Variants in FILIP1 observed in about 807,000 individuals in gnomAD.
The protein encoded by FILIP1 is filamin-A-interacting protein 1.
A neutral mutation model predicts 102.1 loss-of-function variants in FILIP1; 61 were observed. That is an observed-to-expected ratio of 0.60 (90% confidence interval 0.49 to 0.74). FILIP1 has a LOEUF of 0.74. Among genes scored for constraint, FILIP1 ranks in the 30% least tolerant of loss-of-function variants. The probability of loss-of-function intolerance (pLI) is 0.00; values close to 1 mark genes in which losing one functional copy is unlikely to be tolerated. For missense variants in FILIP1, 1,314 were observed against 1,441.2 expected (o/e 0.91, Z 1.43); for synonymous variants, 491 against 526.9 (o/e 0.93, Z 0.93).
chr6:75,321,970 C>A (rs1001511794), intron 4 of FILIP1, among the ~76,000 whole-genome samples: 1 of 152,036 alleles, frequency 6.6e-6, no homozygotes, highest in Non-Finnish European at 1.5e-5. Context: ...GAAACAGATA[C>A]AGAGAAAGAG....
chr6:75,399,776 G>A (rs926041481), intron 2 of FILIP1, among the ~76,000 whole-genome samples: 1 of 152,080 alleles, frequency 6.6e-6, no homozygotes, highest in African/African-American at 2.4e-5. Flanking sequence ...GCACAAGAAG[G>A]TCACATGGGC....
At chr6:75,338,494 C>T (rs909362051) in intron 4 of FILIP1, among the ~76,000 whole-genome samples, 4 of 152,172 alleles carry the variant, frequency 2.6e-5, no homozygotes, top group East Asian at 3.8e-4. Flanking sequence ...AAGTTTCAGC[C>T]TCCTCTCTGG....
intron 1 of FILIP1, among the ~76,000 whole-genome samples, chr6:75,459,587 C>A (rs1465088453): frequency 2.0e-5 from 3 of 152,176 alleles, no homozygotes; most frequent in Non-Finnish European, 4.4e-5. Context: ...CTTTACCAGG[C>A]CTGGTACAAC....
At chr6:75,473,097 C>T (rs138485582) in intron 1 of FILIP1, among the ~76,000 whole-genome samples, 8 of 152,042 alleles carry the variant, frequency 5.3e-5, no homozygotes, top group African/African-American at 1.9e-4. Context: ...CATATGAAAC[C>T]AGGTCTGGCT....
At chr6:75,456,233 A>G (rs1232418429) in intron 1 of FILIP1, among the ~76,000 whole-genome samples, 2 of 152,216 alleles carry the variant, frequency 1.3e-5, no homozygotes, top group Non-Finnish European at 2.9e-5. Context: ...TAAAAGCCAG[A>G]GATTCCACTA....
At chr6:75,361,333 G>A (rs1197286602) in intron 3 of FILIP1, among the ~76,000 whole-genome samples, 1 of 152,166 alleles carries the variant, frequency 6.6e-6, no homozygotes, top group Non-Finnish European at 1.5e-5. Flanking sequence ...AAGCGTGTAT[G>A]CTCTGCAGAC....
At chr6:75,378,471 T>G (rs1198591663) in intron 2 of FILIP1, among the ~76,000 whole-genome samples, 1 of 152,194 alleles carries the variant, frequency 6.6e-6, no homozygotes, top group Non-Finnish European at 1.5e-5. Context: ...TCTCTGTGCA[T>G]GTCTGGGAAT....
intron 2 of FILIP1, among the ~76,000 whole-genome samples, chr6:75,373,801 G>T (rs1444462795): frequency 6.6e-6 from 1 of 152,140 alleles, no homozygotes; most frequent in African/African-American, 2.4e-5. Context: ...TTGAGCCCAG[G>T]AGTTCAAGAC....
At chr6:75,477,217 T>C (rs1779500061) in intron 1 of FILIP1, among the ~76,000 whole-genome samples, 1 of 152,156 alleles carries the variant, frequency 6.6e-6, no homozygotes, top group Non-Finnish European at 1.5e-5. Context: ...ATGTGGAATC[T>C]AATAAAGTTT....
intron 2 of FILIP1, among the ~76,000 whole-genome samples, chr6:75,377,726 T>A (rs1775791425): frequency 6.6e-6 from 1 of 152,230 alleles, no homozygotes; most frequent in African/African-American, 2.4e-5. Flanking sequence ...ATCCTACTTA[T>A]CCATCAACAA....
intron 2 of FILIP1, among the ~76,000 whole-genome samples, chr6:75,382,393 C>T (rs1775932872): frequency 1.3e-5 from 2 of 152,166 alleles, no homozygotes; most frequent in Non-Finnish European, 2.9e-5. Flanking sequence ...CAGCTTTGTT[C>T]TGCTTTATTG....
chr6:75,420,879 G>A (rs1182119190), intron 1 of FILIP1, among the ~76,000 whole-genome samples: 1 of 152,008 alleles, frequency 6.6e-6, no homozygotes, highest in Non-Finnish European at 1.5e-5. Context: ...TCAAATCATT[G>A]AAATACCAAT....
At chr6:75,375,314 T>G (rs926167170) in intron 2 of FILIP1, among the ~76,000 whole-genome samples, 11 of 152,206 alleles carry the variant, frequency 7.2e-5, no homozygotes, top group Admixed American at 5.9e-4. Context: ...GCTCTCAGTA[T>G]AGACATCAGC....
At chr6:75,477,359 C>A (rs1245216215) in intron 1 of FILIP1, among the ~76,000 whole-genome samples, 1 of 151,804 alleles carries the variant, frequency 6.6e-6, no homozygotes, top group African/African-American at 2.4e-5. Flanking sequence ...GAGATCTATG[C>A]CACAGCAGAA....
intron 4 of FILIP1, among the ~76,000 whole-genome samples, chr6:75,333,113 C>T (rs905246151): frequency 6.6e-6 from 1 of 152,078 alleles, no homozygotes; most frequent in Non-Finnish European, 1.5e-5. Flanking sequence ...GTATATACAT[C>T]ACTTATTGGT....
intron 1 of FILIP1, among the ~76,000 whole-genome samples, chr6:75,431,771 C>A (rs999175921): frequency 6.6e-5 from 10 of 152,146 alleles, no homozygotes; most frequent in African/African-American, 1.7e-4. Flanking sequence ...ACCTAAACAC[C>A]CCTCTGTCCT....
At chr6:75,391,575 T>C (rs1776281218) in intron 2 of FILIP1, among the ~76,000 whole-genome samples, 1 of 152,152 alleles carries the variant, frequency 6.6e-6, no homozygotes, top group Non-Finnish European at 1.5e-5. Context: ...TTCTCCCCTA[T>C]CACTAGAAGT....
intron 1 of FILIP1, among the ~76,000 whole-genome samples, chr6:75,421,832 G>A (rs1030385939): frequency 5.3e-5 from 8 of 152,032 alleles, no homozygotes; most frequent in Non-Finnish European, 8.8e-5. Context: ...CTACTCCTAC[G>A]ACTGAGGAAA....
intron 4 of FILIP1, among the ~76,000 whole-genome samples, chr6:75,321,659 T>C (rs1206794572): frequency 6.6e-6 from 1 of 152,140 alleles, no homozygotes; most frequent in Non-Finnish European, 1.5e-5. Context: ...CCGGGCGCGG[T>C]GGCGGGCGCC....
Sources: gnomAD v4.1 joint callset for allele counts (sites outside exome capture counted in the v4.1 genomes callset) on GRCh38, gnomAD v4.1.1 for gene constraint, MANE v1.5 for transcripts, NCBI Gene and HGNC (gene_info 2026-07-23, HGNC 2026-07-21) for gene names.